NDRG2: variants seen among roughly 807,000 people sequenced by gnomAD.
NDRG2 encodes the protein protein NDRG2.
NDRG2 carries 34 observed loss-of-function variants against 58.2 expected under a neutral mutation model. That is an observed-to-expected ratio of 0.58 (90% CI 0.44 to 0.78). The LOEUF is 0.78. Ranked by LOEUF, NDRG2 falls within the 30% of genes least tolerant of loss-of-function variation. The pLI is 0.00. For missense variants in NDRG2, 434 were observed against 471.2 expected, an observed-to-expected ratio of 0.92 and a Z score of 0.73; for synonymous variants, 187 against 175.9, an observed-to-expected ratio of 1.06 and a Z score of -0.50.
chr14:21,022,271 T>G, intron 4 of NDRG2, 89 bp from the exon 5 acceptor site: 3 of 1,601,106 alleles, frequency 1.9e-6, no homozygotes, highest in Non-Finnish European at 1.7e-6. Context: ...CATGCCACAG[T>G]CAGACCAGGA....
At chr14:21,068,661 T>C (rs549213573) in intron 1 of NDRG2, among the ~76,000 whole-genome samples, 5 of 152,172 alleles carry the variant, frequency 3.3e-5, no homozygotes, top group African/African-American at 1.2e-4. Flanking sequence ...GCCCTCGTAA[T>C]AGAGAACCTG....
At chr14:21,032,580 G>A in intron 1 of NDRG2, 1 of 345,262 alleles carries the variant, frequency 2.9e-6, no homozygotes, top group East Asian at 8.4e-5. Flanking sequence ...AAGGTTGCCT[G>A]ACTTCTATTA....
chr14:21,054,733 C>T (rs532507368), intron 1 of NDRG2, among the ~76,000 whole-genome samples: 3 of 152,332 alleles, frequency 2.0e-5, no homozygotes, highest in African/African-American at 7.2e-5. Flanking sequence ...CTGCCAGAAC[C>T]TTAGTTTCCT....
At chr14:21,053,997 T>C (rs1885574884) in intron 1 of NDRG2, among the ~76,000 whole-genome samples, 1 of 152,336 alleles carries the variant, frequency 6.6e-6, no homozygotes, top group South Asian at 2.1e-4. Flanking sequence ...TGGTTCAGTA[T>C]TCTTACCACT....
At chr14:21,030,457 A>C, upstream of NDRG2, 1 of 947,296 alleles carries the variant, frequency 1.1e-6, no homozygotes, top group Non-Finnish European at 1.6e-6. Flanking sequence ...GGAAGAGGGG[A>C]GCTGTTCCTG....
chr14:21,018,119 G>A, intron 14 of NDRG2, 81 bp from the exon 15 acceptor site: 1 of 1,597,698 alleles, frequency 6.3e-7, no homozygotes, highest in Non-Finnish European at 8.6e-7. Context: ...GGCACTGTGG[G>A]GCCGGGTGTG....
rs767408060 is a variant in NDRG2 at position 21,021,885 on chromosome 14, A to G, written c.345-6T>C. The G allele has an allele frequency of 1.2e-6, 2 of 1,613,008 alleles. No individual in the cohort carries two copies. The highest frequency in any genetic ancestry group is 1.7e-5 in the Admixed American group (1 of 59,824). On this transcript the variant is annotated splice_region_variant and splice_polypyrimidine_tract_variant and intron_variant, in intron 5 of 15. Coordinates refer to ENST00000556147, the MANE Select transcript of NDRG2 (RefSeq NM_001320329.2). Reference sequence around the variant, plus strand: ...CCAGAGATGGGTACTGATATCTGGAAAAGAGAGGCATGTTAAGGAAGATAC... The same window carrying G: ...CCAGAGATGGGTACTGATATCTGGAGAAGAGAGGCATGTTAAGGAAGATAC...
At chr14:21,046,635 A>T (rs1206746575) in intron 1 of NDRG2, among the ~76,000 whole-genome samples, 1 of 152,150 alleles carries the variant, frequency 6.6e-6, no homozygotes, top group Non-Finnish European at 1.5e-5. Context: ...AACAACATGG[A>T]GGTTAAGGGT....
chr14:21,035,843 C>T (rs1884587649), intron 1 of NDRG2: 1 of 456,266 alleles, frequency 2.2e-6, no homozygotes, highest in East Asian at 6.9e-5. Flanking sequence ...TAGACCCCTC[C>T]ACCTCCCCAA....
At chr14:21,044,760 T>C (rs1396979616) in intron 1 of NDRG2, among the ~76,000 whole-genome samples, 1 of 152,170 alleles carries the variant, frequency 6.6e-6, no homozygotes. Context: ...ACAAGCTGCA[T>C]TGTGTCCCAT....
chr14:21,038,799 C>T (rs1186877405), intron 1 of NDRG2, among the ~76,000 whole-genome samples: 1 of 152,140 alleles, frequency 6.6e-6, no homozygotes, highest in East Asian at 1.9e-4. Flanking sequence ...CTCTTTCCTC[C>T]ATCCTGGCTT....
chr14:21,041,845 G>C (rs563547080), intron 1 of NDRG2, among the ~76,000 whole-genome samples: 2 of 152,158 alleles, frequency 1.3e-5, no homozygotes, highest in Non-Finnish European at 2.9e-5. Flanking sequence ...GCCAGGCCTC[G>C]TGACAGTGAT....
chr14:21,018,156 C>T (rs986826917), intron 14 of NDRG2, 48 bp downstream of exon 14: 2 of 1,609,536 alleles, frequency 1.2e-6, no homozygotes, highest in Non-Finnish European at 8.5e-7. Flanking sequence ...CCAGTGCCAC[C>T]GGTATCCTAT....
In NDRG2 at chr14:21,067,795, A is replaced by G. The variant is rs543131259; in HGVS notation, c.24+3033T>C. Among the ~76,000 whole-genome samples the G allele has an allele frequency of 4.0e-5, 6 of 151,516 alleles. No homozygotes were observed. The South Asian group carries it at 1.3e-3, about 32-fold the overall frequency. On this transcript the variant is annotated intron_variant, in intron 1 of 14. Transcript: ENST00000403829. ...ACACACACACACACACTTTTAGGTA[A>G]GAGCCTGCATTCTTTGGAGAAAGTG... is the stretch of plus-strand genomic sequence containing the variant.
Position 21,021,807 on chromosome 14 carries a change from G to C in NDRG2, c.407+10C>G, listed in dbSNP as rs1475334809. 3.0e-5 allele frequency: 48 copies of C among 1,610,884 alleles called. No homozygotes were observed. Among genetic ancestry groups the C allele is most frequent in the Non-Finnish European group, 4.0e-5 (47 of 1,178,458 alleles). On this transcript the variant is annotated intron_variant, in intron 6 of 15. Transcript: ENST00000556147. ...GAACTCTGGTTTGGAGGGGTTCCCA[G>C]GCCTCTCACTTTAGGTACTGCAGGA...
chr14:21,036,072 T>C (rs548769625), intron 1 of NDRG2: 2 of 395,814 alleles, frequency 5.1e-6, no homozygotes, highest in East Asian at 1.4e-4. Context: ...CAAGAGTTTT[T>C]AGACCAGTGC....
In NDRG2 at chr14:21,022,382, A is replaced by T. The variant is rs940978233; in HGVS notation, c.223+10T>A. 8.7e-6 allele frequency: 14 copies of T among 1,608,520 alleles called. No homozygotes were observed. Among genetic ancestry groups the T allele is most frequent in the Non-Finnish European group, 1.2e-5 (14 of 1,174,964 alleles). ...CCAGACAGGAGTGGGAGATGAATGA[A>T]GGTCCTTACAGTTGAGTCCCACATC... On this transcript the variant is annotated intron_variant, in intron 4 of 15. Transcript: ENST00000556147.
intron 10 of NDRG2, 74 bp downstream of exon 10, chr14:21,019,565 T>A (rs1280565992): frequency 3.0e-6 from 3 of 993,860 alleles, no homozygotes; most frequent in Non-Finnish European, 4.7e-6. Flanking sequence ...CCTCTCCTCC[T>A]CTGTGCCTCC....
At chr14:21,057,943 G>A (rs1244390893) in intron 1 of NDRG2, 1 of 1,614,064 alleles carries the variant, frequency 6.2e-7, no homozygotes, top group Admixed American at 1.7e-5. Context: ...TGCTTCTGGG[G>A]CTGTGGGTGG....
Sources: gnomAD v4.1 joint callset for allele counts (sites outside exome capture counted in the v4.1 genomes callset) on GRCh38, gnomAD v4.1.1 for gene constraint, MANE v1.5 for transcripts, NCBI Gene and HGNC (gene_info 2026-07-23, HGNC 2026-07-21) for gene names.